The following ABL2 variants were observed in gnomAD, a reference collection of about 807,000 sequenced individuals.
ABL2 encodes ABL proto-oncogene 2, non-receptor tyrosine kinase, also known as tyrosine-protein kinase ABL2.
A neutral mutation model predicts 107.7 loss-of-function variants in ABL2; 49 were observed. The observed-to-expected ratio is 0.45, with a 90% CI of 0.36 to 0.58. The LOEUF (loss-of-function observed/expected upper bound fraction) is 0.58. Among genes scored for constraint, ABL2 ranks in the 20% least tolerant of loss-of-function variants. The pLI, the probability that ABL2 is intolerant of heterozygous loss-of-function variation, is 0.00. For missense variants in ABL2, 1,245 were observed against 1,457.0 expected (o/e 0.85, Z 2.37); for synonymous variants, 549 against 548.6 (o/e 1.00, Z -0.01).
At chr1:179,197,942 G>C (rs140637891) in intron 1 of ABL2, among the ~76,000 whole-genome samples, 6 of 151,844 alleles carry the variant, frequency 4.0e-5, no homozygotes, top group African/African-American at 1.2e-4. Context: ...AGGAGGCTGA[G>C]GCGGGCGGAT....
intron 1 of ABL2, among the ~76,000 whole-genome samples, chr1:179,168,364 G>A (rs1336295364): frequency 6.6e-6 from 1 of 151,668 alleles, no homozygotes; most frequent in African/African-American, 2.4e-5. Context: ...TACATAAATA[G>A]TTGTTATACT....
chr1:179,168,927 A>G (rs948063922), intron 1 of ABL2, among the ~76,000 whole-genome samples: 3 of 152,234 alleles, frequency 2.0e-5, no homozygotes, highest in Non-Finnish European at 4.4e-5. Flanking sequence ...TCCGATAAGC[A>G]ACTCACAGTG....
intron 7 of ABL2, among the ~76,000 whole-genome samples, chr1:179,117,842 G>A (rs1209782098): frequency 6.6e-6 from 1 of 152,148 alleles, no homozygotes; most frequent in Admixed American, 6.5e-5. Context: ...CACTAGGCCA[G>A]GTGTGGTGGC....
intron 1 of ABL2, among the ~76,000 whole-genome samples, chr1:179,163,258 G>A (rs1430861576): frequency 1.3e-5 from 2 of 152,192 alleles, no homozygotes; most frequent in East Asian, 3.8e-4. Context: ...AGACCAACTG[G>A]AACTCTTACA....
At chr1:179,202,069 GA>G (rs1024128997) in intron 1 of ABL2, 117 of 226,180 alleles carry the variant, frequency 5.2e-4, no homozygotes, top group African/African-American at 1.4e-3. Flanking sequence ...TGAGGCAAAA[GA>G]AAAAAAAAGA....
At chr1:179,174,991 G>A (rs1571251701) in intron 1 of ABL2, among the ~76,000 whole-genome samples, 1 of 150,830 alleles carries the variant, frequency 6.6e-6, no homozygotes, top group African/African-American at 2.4e-5. Context: ...ATATAAAAGG[G>A]TGCTTATCCC....
chr1:179,223,651 A>T (rs752871480), intron 1 of ABL2, among the ~76,000 whole-genome samples: 65 of 152,056 alleles, frequency 4.3e-4, no homozygotes, highest in Admixed American at 1.0e-3. Context: ...ATTTTTTTTT[A>T]AAAGTTTAGT....
intron 1 of ABL2, chr1:179,221,881 A>T: frequency 4.3e-6 from 1 of 233,192 alleles, no homozygotes; most frequent in East Asian, 1.1e-4. Flanking sequence ...TACAATGCCC[A>T]AAGATTTGGT....
At chr1:179,115,499 T>C (rs1245445780) in intron 8 of ABL2, among the ~76,000 whole-genome samples, 1 of 152,210 alleles carries the variant, frequency 6.6e-6, no homozygotes, top group African/African-American at 2.4e-5. Flanking sequence ...TTGAGTTGCA[T>C]GATGAACTCT....
intron 1 of ABL2, among the ~76,000 whole-genome samples, chr1:179,165,560 T>C (rs1455304956): frequency 6.6e-6 from 1 of 152,192 alleles, no homozygotes; most frequent in African/African-American, 2.4e-5. Flanking sequence ...TTAGATGGCC[T>C]TGAATGTCAC....
chr1:179,200,750 T>C (rs1461761288), intron 1 of ABL2, among the ~76,000 whole-genome samples: 2 of 152,188 alleles, frequency 1.3e-5, no homozygotes, highest in Admixed American at 6.5e-5. Flanking sequence ...ACTCAGCACA[T>C]AGTTGTACTC....
At chr1:179,112,912 G>A (rs1284839079) in intron 9 of ABL2, among the ~76,000 whole-genome samples, 2 of 152,042 alleles carry the variant, frequency 1.3e-5, no homozygotes, top group Non-Finnish European at 2.9e-5. Context: ...ACGCCACCAC[G>A]TCCGGCTAAT....
intron 4 of ABL2, 33 bp from the exon 5 acceptor site, chr1:179,121,900 G>A: frequency 4.3e-6 from 4 of 935,356 alleles, no homozygotes; most frequent in East Asian, 3.1e-5. Context: ...TAAACAACTT[G>A]AAAAGAGATT....
intron 1 of ABL2, among the ~76,000 whole-genome samples, chr1:179,167,806 T>A (rs942004209): frequency 6.6e-6 from 1 of 152,046 alleles, no homozygotes; most frequent in Admixed American, 6.6e-5. Context: ...ATGGCAAAAC[T>A]CAGTCTCTAC....
In ABL2 at chr1:179,104,029, T is replaced by C. The variant is rs1395795027; in HGVS notation, c.*3689A>G. 2 of 233,466 alleles carry C rather than the reference T, an allele frequency of 8.6e-6. No homozygotes were observed. The highest frequency in any genetic ancestry group is 1.7e-5 in the Non-Finnish European group (2 of 117,914). 14.5% of individuals were successfully genotyped at this position (233,466 alleles called of 1,614,324 possible). On this transcript the variant is annotated 3_prime_UTR_variant, in exon 12 of 12. Transcript: ENST00000502732. Reference sequence around the variant, plus strand: ...GGAATTCTGATCTGGAGTGGGGCTATTCCGTCAGTTTTTTTTGTTTGTTTT... The same window carrying C: ...GGAATTCTGATCTGGAGTGGGGCTACTCCGTCAGTTTTTTTTGTTTGTTTT...
rs148827419 is a variant in ABL2, at chr1:179,100,832, C to T, written c.*6886G>A. ...TGTGCCTGGCCTTTCCCCTTCAACA[C>T]GCCAGCTGCTCCCTCAGAGTGAACA... On this transcript the variant is annotated 3_prime_UTR_variant, in exon 12 of 12. Transcript: ENST00000502732. 20 of 232,656 alleles carry T rather than the reference C, an allele frequency of 8.6e-5. No individual in the cohort carries two copies. The Admixed American group carries it at 9.0e-4, about 10-fold the overall frequency. The allele number at this position is 232,656 out of a possible 1,614,324, so 14.4% of individuals were successfully genotyped here.
intron 10 of ABL2, among the ~76,000 whole-genome samples, chr1:179,111,345 G>C (rs1484525951): frequency 6.8e-6 from 1 of 146,466 alleles, no homozygotes; most frequent in Non-Finnish European, 1.5e-5. Flanking sequence ...AAGTGCAGAG[G>C]TGCGATCTCA....
Position 179,168,212 on chromosome 1 carries a change from AC to A in ABL2, c.158-34839del, listed in dbSNP as rs900527368. Among the ~76,000 whole-genome samples, 22 of 152,052 alleles carry A rather than the reference AC, an allele frequency of 1.4e-4. 1 individual carries two copies. The highest frequency in any genetic ancestry group is 7.9e-4 in the Admixed American group (12 of 15,254). ...CAGTTGTCCCACGGTTTCCACAGGG[AC>A]CCCTAGCAGATACCAAAATCCACAG... On this transcript the variant is annotated intron_variant, in intron 1 of 11. Coordinates refer to ENST00000502732, the MANE Select transcript of ABL2 (RefSeq NM_007314.4).
intron 1 of ABL2, among the ~76,000 whole-genome samples, chr1:179,170,785 G>A (rs1659674214): frequency 6.6e-6 from 1 of 151,776 alleles, no homozygotes; most frequent in African/African-American, 2.4e-5. Flanking sequence ...AGTAGAGACA[G>A]GGTTTCACCA....
Sources: allele counts gnomAD v4.1 joint callset (sites outside exome capture counted in the v4.1 genomes callset), GRCh38; gene constraint gnomAD v4.1.1; transcripts MANE v1.5; gene names NCBI Gene and HGNC (gene_info 2026-07-23, HGNC 2026-07-21).